The following RNLS variants were observed in gnomAD, a reference collection of about 807,000 sequenced individuals.
RNLS encodes renalase, FAD dependent amine oxidase.
Under a neutral mutation model 39.8 loss-of-function variants are expected in RNLS, and 39 were observed. The observed-to-expected ratio is 0.98, with a 90% CI of 0.76 to 1.28. RNLS has a LOEUF of 1.28. RNLS is among the 50% of genes most tolerant of loss of function. The pLI is 0.00. For synonymous variants in RNLS, 147 were observed against 150.7 expected (o/e 0.98, Z 0.18); for missense variants, 410 against 413.3 (o/e 0.99, Z 0.07).
the RNLS span, among the ~76,000 whole-genome samples, chr10:88,195,081 G>A: frequency 5.9e-5 from 9 of 152,202 alleles, no homozygotes; most frequent in African/African-American, 2.2e-4. Flanking sequence ...CTTCAACACA[G>A]TGTAAGCATC....
intron 4 of RNLS, among the ~76,000 whole-genome samples, chr10:88,391,332 G>A (rs544464879): frequency 6.6e-5 from 10 of 152,184 alleles, no homozygotes; most frequent in African/African-American, 1.9e-4. Flanking sequence ...TTCCGAGGCC[G>A]GTGGATCACA....
the RNLS span, among the ~76,000 whole-genome samples, chr10:88,251,385 C>T: frequency 6.6e-6 from 1 of 152,172 alleles, no homozygotes. Context: ...GAACAATTTA[C>T]CTAAATGACT....
At chr10:88,315,197 C>A (rs955525700) in intron 5 of RNLS, among the ~76,000 whole-genome samples, 1 of 152,150 alleles carries the variant, frequency 6.6e-6, no homozygotes, top group African/African-American at 2.4e-5. Context: ...ATTACCATTT[C>A]TTTATGTTTT....
chr10:88,204,752 G>C, the RNLS span, among the ~76,000 whole-genome samples: 1 of 152,178 alleles, frequency 6.6e-6, no homozygotes, highest in South Asian at 2.1e-4. Flanking sequence ...ATTCCAAATA[G>C]TAGTTTTACT....
the RNLS span, among the ~76,000 whole-genome samples, chr10:88,235,397 T>TTTCC: frequency 6.6e-6 from 1 of 152,172 alleles, no homozygotes; most frequent in Non-Finnish European, 1.5e-5. Flanking sequence ...TTACAAAGTT[T>TTTCC]TTCCTTGAGG....
At chr10:88,307,626 G>A (rs972853090) in intron 6 of RNLS, among the ~76,000 whole-genome samples, 2 of 152,170 alleles carry the variant, frequency 1.3e-5, no homozygotes, top group African/African-American at 2.4e-5. Flanking sequence ...AACCAGGGAG[G>A]TGGAAGATCT....
intron 6 of RNLS, among the ~76,000 whole-genome samples, chr10:88,300,791 T>C (rs1844458075): frequency 6.6e-6 from 1 of 152,226 alleles, no homozygotes; most frequent in Non-Finnish European, 1.5e-5. Flanking sequence ...GATGAGTATA[T>C]AGTATTAATT....
chr10:88,455,264 G>T (rs1456520676), intron 4 of RNLS, among the ~76,000 whole-genome samples: 2 of 150,904 alleles, frequency 1.3e-5, no homozygotes, highest in African/African-American at 4.9e-5. Flanking sequence ...AAAGTAAAGG[G>T]AAAAAAAAAT....
At chr10:88,563,015 G>A (rs1849279462) in intron 4 of RNLS, among the ~76,000 whole-genome samples, 1 of 152,050 alleles carries the variant, frequency 6.6e-6, no homozygotes, top group Non-Finnish European at 1.5e-5. Context: ...TAAGTAATGT[G>A]TAAGATCTTA....
intron 4 of RNLS, among the ~76,000 whole-genome samples, chr10:88,561,800 C>A (rs1015787983): frequency 2.0e-5 from 3 of 152,004 alleles, no homozygotes; most frequent in Admixed American, 6.6e-5. Context: ...TACTATATTA[C>A]AAATATTGAT....
At chr10:88,205,365 T>C in the RNLS span, among the ~76,000 whole-genome samples, 1 of 152,128 alleles carries the variant, frequency 6.6e-6, no homozygotes, top group Non-Finnish European at 1.5e-5. Flanking sequence ...ATTCCTGTGT[T>C]TGAGTGAGCC....
the RNLS span, among the ~76,000 whole-genome samples, chr10:88,234,713 TA>T: frequency 6.6e-6 from 1 of 152,178 alleles, no homozygotes; most frequent in Non-Finnish European, 1.5e-5. Flanking sequence ...TCTTAAATTC[TA>T]ATAGGGGATA....
At chr10:88,408,901 T>C (rs1002902949) in intron 4 of RNLS, among the ~76,000 whole-genome samples, 1 of 152,132 alleles carries the variant, frequency 6.6e-6, no homozygotes, top group African/African-American at 2.4e-5. Flanking sequence ...TATGAAAAGT[T>C]AGATTTGTTT....
At chr10:88,531,958 G>A (rs1394882465) in intron 4 of RNLS, among the ~76,000 whole-genome samples, 1 of 152,008 alleles carries the variant, frequency 6.6e-6, no homozygotes, top group African/African-American at 2.4e-5. Context: ...ACAATTAGAT[G>A]AGGCAGAACT....
At chr10:88,189,827 A>C in the RNLS span, among the ~76,000 whole-genome samples, 1 of 152,208 alleles carries the variant, frequency 6.6e-6, no homozygotes, top group Non-Finnish European at 1.5e-5. Flanking sequence ...AAAGTTTATG[A>C]CATCTGTGTT....
chr10:88,230,013 T>C, the RNLS span, among the ~76,000 whole-genome samples: 1 of 152,244 alleles, frequency 6.6e-6, no homozygotes, highest in African/African-American at 2.4e-5. Context: ...CATGGACAAA[T>C]GGAGCCACCT....
intron 4 of RNLS, among the ~76,000 whole-genome samples, chr10:88,379,890 T>C (rs1005943801): frequency 6.6e-6 from 1 of 152,128 alleles, no homozygotes; most frequent in African/African-American, 2.4e-5. Flanking sequence ...ACCAACAGAC[T>C]TGTGAGTGAA....
At chr10:88,270,767 A>T (rs1842627146), downstream of RNLS, among the ~76,000 whole-genome samples, 1 of 152,178 alleles carries the variant, frequency 6.6e-6, no homozygotes, top group South Asian at 2.1e-4. Context: ...ATAGTTCACC[A>T]CCGGACAAGA....
chr10:88,433,425 G>A (rs895584253), intron 4 of RNLS, among the ~76,000 whole-genome samples: 1 of 151,926 alleles, frequency 6.6e-6, no homozygotes, highest in African/African-American at 2.4e-5. Flanking sequence ...CCCAGAGAAC[G>A]TCACTTAACC....
Sources: gnomAD v4.1 joint callset for allele counts (sites outside exome capture counted in the v4.1 genomes callset) on GRCh38, gnomAD v4.1.1 for gene constraint, MANE v1.5 for transcripts, NCBI Gene and HGNC (gene_info 2026-07-23, HGNC 2026-07-21) for gene names.